FRYL: variants seen among roughly 807,000 people sequenced by gnomAD.
The protein encoded by FRYL is FRY like transcription coactivator.
Under a neutral mutation model 351.2 loss-of-function variants are expected in FRYL, and 150 were observed. That is an observed-to-expected ratio of 0.43 (90% confidence interval 0.37 to 0.49). The LOEUF (loss-of-function observed/expected upper bound fraction) is 0.49. FRYL is among the 20% of genes least tolerant of loss of function. The pLI is 0.00. For synonymous variants in FRYL, 1,153 were observed against 1,257.1 expected, an observed-to-expected ratio of 0.92 and a Z score of 1.75; for missense variants, 3,036 against 3,619.3, an observed-to-expected ratio of 0.84 and a Z score of 4.13.
chr4:48,731,848 C>T (rs953669279), intron 1 of FRYL, among the ~76,000 whole-genome samples: 2 of 152,188 alleles, frequency 1.3e-5, no homozygotes, highest in Non-Finnish European at 2.9e-5. Flanking sequence ...AAAACCTGGG[C>T]AATACCATTC....
chr4:48,549,357 C>T lies in FRYL; in HGVS notation c.4784+116G>A. 2 of 766,060 alleles carry T rather than the reference C, an allele frequency of 2.6e-6. No individual in the cohort carries two copies. The highest frequency in any genetic ancestry group is 2.8e-5 in the East Asian group (1 of 35,498). 47.5% of individuals were successfully genotyped at this position (766,060 alleles called of 1,614,324 possible). ...AATCTAAACACATTGATCTGTGTTG[C>T]AGTATCTCCATAAAGAAGATTGCTT... On this transcript the variant is annotated intron_variant, in intron 39 of 63. Coordinates refer to ENST00000358350, the MANE Select transcript of FRYL (RefSeq NM_015030.2). The surrounding 1 kb of genome is among the most constrained non-coding windows in gnomAD (Gnocchi z 4.2).
intron 53 of FRYL, among the ~76,000 whole-genome samples, chr4:48,523,317 T>C (rs1560533787): frequency 6.6e-6 from 1 of 152,198 alleles, no homozygotes. Flanking sequence ...GACAACCTGT[T>C]TTAACGAAAT....
chr4:48,648,788 C>T (rs1415400369), intron 3 of FRYL, among the ~76,000 whole-genome samples: 1 of 152,054 alleles, frequency 6.6e-6, no homozygotes, highest in African/African-American at 2.4e-5. Flanking sequence ...TTGTATGATT[C>T]CATGTATATG....
intron 1 of FRYL, among the ~76,000 whole-genome samples, chr4:48,718,089 A>G (rs1408574953): frequency 6.6e-6 from 1 of 151,630 alleles, no homozygotes; most frequent in Non-Finnish European, 1.5e-5. Flanking sequence ...TTGTAGGGGA[A>G]AGGGGAGTCC....
chr4:48,637,071 AAC>A (rs1395024123), intron 3 of FRYL: 2 of 152,128 alleles, frequency 1.3e-5, no homozygotes, highest in Non-Finnish European at 2.9e-5. Context: ...GCATATAATA[AAC>A]ACACAGTTAA....
intron 1 of FRYL, among the ~76,000 whole-genome samples, chr4:48,764,492 C>T (rs912621544): frequency 1.3e-5 from 2 of 150,180 alleles, no homozygotes; most frequent in African/African-American, 4.9e-5. Context: ...GATCATGCCA[C>T]TGTGCTCCAG....
intron 56 of FRYL, among the ~76,000 whole-genome samples, chr4:48,512,997 T>C (rs1368792783): frequency 5.3e-5 from 8 of 152,138 alleles, no homozygotes; most frequent in African/African-American, 1.7e-4. Context: ...ATTAGAATGC[T>C]TTCATTTTCA....
At chr4:48,733,015 C>A (rs2149629968) in intron 1 of FRYL, among the ~76,000 whole-genome samples, 1 of 151,526 alleles carries the variant, frequency 6.6e-6, no homozygotes, top group South Asian at 2.1e-4. Flanking sequence ...GTGGCTCATG[C>A]CTGTAATCCC....
At chr4:48,678,422 T>A (rs1047240472) in intron 3 of FRYL, among the ~76,000 whole-genome samples, 5 of 145,142 alleles carry the variant, frequency 3.4e-5, no homozygotes, top group African/African-American at 1.3e-4. Flanking sequence ...GGCAGGAGAA[T>A]CGCTTGAACA....
intron 45 of FRYL, 113 bp downstream of exon 45, chr4:48,541,914 T>C (rs1005942188): frequency 3.1e-5 from 22 of 718,152 alleles, no homozygotes; most frequent in Non-Finnish European, 4.8e-5. Flanking sequence ...GTAATCCATC[T>C]AATTTGGGCA....
At chr4:48,579,455 T>A (rs1406476014) in intron 22 of FRYL, among the ~76,000 whole-genome samples, 1 of 152,198 alleles carries the variant, frequency 6.6e-6, no homozygotes, top group Non-Finnish European at 1.5e-5. Context: ...GGGATTCCAC[T>A]GTTTTCATTA....
At chr4:48,529,448 G>A (rs1016065147) in intron 50 of FRYL, among the ~76,000 whole-genome samples, 1 of 152,042 alleles carries the variant, frequency 6.6e-6, no homozygotes, top group East Asian at 1.9e-4. Context: ...TTCAAATAAC[G>A]ATCGATTTCT....
intron 7 of FRYL, among the ~76,000 whole-genome samples, chr4:48,613,264 C>T (rs1748622966): frequency 6.6e-6 from 1 of 152,084 alleles, no homozygotes; most frequent in Non-Finnish European, 1.5e-5. Context: ...TATAATTTTC[C>T]ACTTGTAGTG....
chr4:48,544,061 C>A (rs941785115), intron 43 of FRYL, 64 bp from the exon 44 acceptor site: 57 of 1,390,058 alleles, frequency 4.1e-5, no homozygotes, highest in Non-Finnish European at 5.4e-5. Flanking sequence ...GGGTTATAAT[C>A]AGAAGTGAAT....
At chr4:48,643,682 G>A (rs896667990) in intron 3 of FRYL, among the ~76,000 whole-genome samples, 5 of 151,982 alleles carry the variant, frequency 3.3e-5, no homozygotes, top group African/African-American at 7.3e-5. Context: ...AAAAAGATAC[G>A]AAACTTTATT....
rs184490853 is a variant in FRYL at position 48,619,534 on chromosome 4, G to C, written c.315-164C>G. On this transcript the variant is annotated intron_variant, in intron 6 of 63. Coordinates refer to ENST00000358350, the MANE Select transcript of FRYL (RefSeq NM_015030.2). ...TTTTATTTTTGTCTTTTTGGTTTGA[G>C]ACAGGGTCTCGTTCTGTCACCCAGG... is the stretch of plus-strand genomic sequence containing the variant. Among the ~76,000 whole-genome samples the C allele has an allele frequency of 1.1e-3, 163 of 152,196 alleles. 3 individuals are homozygous for C. The highest frequency in any genetic ancestry group is 0.011 in the Admixed American group (162 of 15,294).
intron 7 of FRYL, among the ~76,000 whole-genome samples, chr4:48,615,878 G>T (rs1483234294): frequency 6.6e-6 from 1 of 152,134 alleles, no homozygotes; most frequent in African/African-American, 2.4e-5. Context: ...GGAATACTCT[G>T]CAGCCATAAA....
At chr4:48,552,244 GGTGTGTGTGT>G (rs67155390) in intron 36 of FRYL, among the ~76,000 whole-genome samples, 142 of 145,294 alleles carry the variant, frequency 9.8e-4, no homozygotes, top group Admixed American at 2.1e-3. Context: ...AGTCCAAAGG[GGTGTGTGTGT>G]GTGTGTGTGT....
intron 51 of FRYL, 25 bp from the exon 52 acceptor site, chr4:48,528,070 T>C (rs993223519): frequency 1.9e-6 from 3 of 1,558,196 alleles, no homozygotes; most frequent in Non-Finnish European, 2.6e-6. Flanking sequence ...AAAATTAAAA[T>C]GTTAGGACTG....
Sources: gnomAD v4.1 joint callset for allele counts (sites outside exome capture counted in the v4.1 genomes callset) on GRCh38, gnomAD v4.1.1 for gene constraint, Gnocchi (gnomAD v3.1) non-coding constraint, MANE v1.5 for transcripts, NCBI Gene and HGNC (gene_info 2026-07-23, HGNC 2026-07-21) for gene names.